ANKRD44: variants seen among roughly 807,000 people sequenced by gnomAD.
ANKRD44 encodes the protein serine/threonine-protein phosphatase 6 regulatory ankyrin repeat subunit B.
A neutral mutation model predicts 116.0 loss-of-function variants in ANKRD44; 35 were observed. The observed-to-expected ratio is 0.30, with a 90% CI of 0.23 to 0.40. ANKRD44 has a LOEUF of 0.40. Among genes scored for constraint, ANKRD44 ranks in the 10% least tolerant of loss-of-function variants. The pLI is 1.00. For missense variants in ANKRD44, 1,014 were observed against 1,242.6 expected (o/e 0.82, Z 2.77); for synonymous variants, 435 against 461.8 (o/e 0.94, Z 0.74).
intron 1 of ANKRD44, among the ~76,000 whole-genome samples, chr2:197,271,214 G>A (rs983341240): frequency 6.6e-6 from 1 of 152,192 alleles, no homozygotes; most frequent in African/African-American, 2.4e-5. Context: ...TGGTCTGAAT[G>A]TTTGTGTGCA....
chr2:197,208,664 G>C lies in ANKRD44; in HGVS notation c.28-21558C>G, dbSNP rs942739942. Among the ~76,000 whole-genome samples the C allele has an allele frequency of 4.6e-5, 7 of 152,198 alleles. No homozygotes were observed. In the East Asian group the frequency reaches 1.4e-3, roughly 29 times the overall value. ...AAATACAAAAAATTAGCCGAGCGTG[G>C]TGGTGGGCGCCTATAGTCCCAGCTA... On this transcript the variant is annotated intron_variant, in intron 1 of 27. Coordinates refer to ENST00000282272, the MANE Select transcript of ANKRD44 (RefSeq NM_001195144.2).
intron 25 of ANKRD44, among the ~76,000 whole-genome samples, chr2:196,996,273 T>C (rs968091830): frequency 3.3e-5 from 5 of 152,342 alleles, no homozygotes; most frequent in Middle Eastern, 3.4e-3. Context: ...TTGAAAAGCA[T>C]TGCACTTATA....
chr2:197,134,791 G>A (rs1192484291), intron 4 of ANKRD44: 2 of 152,044 alleles, frequency 1.3e-5, no homozygotes, highest in Non-Finnish European at 2.9e-5. Flanking sequence ...CCTGGTTCTT[G>A]TTGAAGAGGA....
At chr2:197,042,412 G>A (rs1273647663) in intron 16 of ANKRD44, among the ~76,000 whole-genome samples, 1 of 151,670 alleles carries the variant, frequency 6.6e-6, no homozygotes, top group East Asian at 2.0e-4. Flanking sequence ...AACATTGTTA[G>A]GAGAAAAGGA....
intron 4 of ANKRD44, among the ~76,000 whole-genome samples, chr2:197,129,812 GTGCAT>G (rs1473832593): frequency 2.0e-5 from 3 of 152,150 alleles, no homozygotes; most frequent in African/African-American, 7.2e-5. Flanking sequence ...ACTCTCAAAT[GTGCAT>G]TGCATTTCAG....
intron 3 of ANKRD44, among the ~76,000 whole-genome samples, chr2:197,138,242 T>A (rs1448836509): frequency 6.6e-6 from 1 of 152,216 alleles, no homozygotes; most frequent in Admixed American, 6.5e-5. Flanking sequence ...CAATGTCTCA[T>A]TCACCTCTAA....
At chr2:197,083,137 G>T (rs2077835692) in intron 14 of ANKRD44, among the ~76,000 whole-genome samples, 1 of 152,228 alleles carries the variant, frequency 6.6e-6, no homozygotes, top group African/African-American at 2.4e-5. Context: ...GAGCTTGACA[G>T]CTCCACTTGG....
intron 1 of ANKRD44, among the ~76,000 whole-genome samples, chr2:197,256,359 A>G (rs1202308001): frequency 1.3e-5 from 2 of 152,214 alleles, no homozygotes; most frequent in Admixed American, 6.5e-5. Flanking sequence ...GTTTCTGACT[A>G]TGTGTCTTTG....
At chr2:197,080,357 C>T (rs895663263) in intron 15 of ANKRD44, among the ~76,000 whole-genome samples, 4 of 152,138 alleles carry the variant, frequency 2.6e-5, no homozygotes. Flanking sequence ...GTAATTTTGG[C>T]AATTAAGATG....
Position 197,001,747 on chromosome 2 carries a change from A to AC in ANKRD44, c.2435+5dup. ...AACATCATTAACTCTCAGCGTTTCTACTTACATTGCACAGTGCAGTGGAGT... is the reference window on the plus strand; with the variant it reads ...AACATCATTAACTCTCAGCGTTTCTACCTTACATTGCACAGTGCAGTGGAGT... On this transcript the variant is annotated splice_donor_region_variant and intron_variant, in intron 22 of 27. Transcript: ENST00000282272. The AC allele has an allele frequency of 6.3e-7, 1 of 1,596,954 alleles. No individual in the cohort carries two copies. The highest frequency in any genetic ancestry group is 8.5e-7 in the Non-Finnish European group (1 of 1,171,386).
At chr2:197,283,378 A>G (rs1332383679) in intron 1 of ANKRD44, among the ~76,000 whole-genome samples, 2 of 152,252 alleles carry the variant, frequency 1.3e-5, no homozygotes, top group African/African-American at 4.8e-5. Flanking sequence ...CCTTCATGCC[A>G]GTCTCTCGGC....
At chr2:197,051,181 G>A (rs1327714759) in intron 16 of ANKRD44, among the ~76,000 whole-genome samples, 4 of 151,970 alleles carry the variant, frequency 2.6e-5, no homozygotes, top group Admixed American at 6.6e-5. Context: ...GGCTGGTCTC[G>A]AACTCCATGG....
At chr2:197,234,353 G>A (rs2081934080) in intron 1 of ANKRD44, among the ~76,000 whole-genome samples, 1 of 152,066 alleles carries the variant, frequency 6.6e-6, no homozygotes. Context: ...CGCCATGCCT[G>A]GCTAATTTTT....
intron 8 of ANKRD44, among the ~76,000 whole-genome samples, chr2:197,111,611 C>T (rs1221729605): frequency 6.7e-6 from 1 of 150,234 alleles, no homozygotes; most frequent in Non-Finnish European, 1.5e-5. Context: ...TGCACTCCAG[C>T]CTGGGTGACA....
intron 3 of ANKRD44, among the ~76,000 whole-genome samples, chr2:197,139,795 G>C (rs1244477071): frequency 6.6e-6 from 1 of 151,374 alleles, no homozygotes; most frequent in Non-Finnish European, 1.5e-5. Context: ...TAGTGCATTT[G>C]AAGTTTTATG....
At chr2:197,193,085 C>T (rs985688153) in intron 1 of ANKRD44, among the ~76,000 whole-genome samples, 11 of 152,158 alleles carry the variant, frequency 7.2e-5, no homozygotes, top group Non-Finnish European at 1.2e-4. Context: ...AAAAGAATTA[C>T]ATCTAATTAG....
chr2:197,302,078 TC>T (rs1467465430), intron 1 of ANKRD44, among the ~76,000 whole-genome samples: 1 of 152,004 alleles, frequency 6.6e-6, no homozygotes, highest in East Asian at 1.9e-4. Flanking sequence ...ACAGCAAGGG[TC>T]CCGAGGCAGG....
intron 21 of ANKRD44, among the ~76,000 whole-genome samples, chr2:196,973,031 T>C (rs528948042): frequency 6.6e-6 from 1 of 152,308 alleles, no homozygotes; most frequent in East Asian, 1.9e-4. Context: ...TTAGATTTGA[T>C]GAAATAAAGT....
intron 11 of ANKRD44, among the ~76,000 whole-genome samples, chr2:197,089,338 A>T (rs920079242): frequency 3.3e-5 from 5 of 152,254 alleles, no homozygotes; most frequent in Non-Finnish European, 5.9e-5. Context: ...TTTGCCTTGC[A>T]GACCTCTACC....
Sources: gnomAD v4.1 joint callset for allele counts (sites outside exome capture counted in the v4.1 genomes callset) on GRCh38, gnomAD v4.1.1 for gene constraint, MANE v1.5 for transcripts, NCBI Gene and HGNC (gene_info 2026-07-23, HGNC 2026-07-21) for gene names.